SUPT7L: variants seen among roughly 807,000 people sequenced by gnomAD.
SUPT7L encodes the protein SPT7 like, STAGA complex subunit gamma.
SUPT7L carries 15 observed loss-of-function variants against 35.7 expected under a neutral mutation model. The ratio of observed to expected loss-of-function variants is 0.42; its 90% CI spans 0.28 to 0.65. The LOEUF (loss-of-function observed/expected upper bound fraction) is 0.65, where lower values mean the gene tolerates loss of function less well. SUPT7L is among the 30% of genes least tolerant of loss of function. The pLI, the probability that SUPT7L is intolerant of heterozygous loss-of-function variation, is 0.23. For synonymous variants in SUPT7L, 168 were observed against 186.2 expected, an observed-to-expected ratio of 0.90 and a Z score of 0.79; for missense variants, 434 against 522.2, an observed-to-expected ratio of 0.83 and a Z score of 1.65.
chr2:27,653,841 T>G, intron 5 of SUPT7L, 94 bp from the exon 6 acceptor site: 2 of 1,446,608 alleles, frequency 1.4e-6, no homozygotes, highest in South Asian at 1.3e-5. Flanking sequence ...CCAACTAATA[T>G]GCTTTGAGCT....
At chr2:27,656,330 A>G (rs1674803149) in intron 4 of SUPT7L, among the ~76,000 whole-genome samples, 1 of 152,200 alleles carries the variant, frequency 6.6e-6, no homozygotes, top group Non-Finnish European at 1.5e-5. Flanking sequence ...GGCTGAAGAG[A>G]TTAGATATTT....
At position 27,653,384 on chromosome 2, in the gene SUPT7L, A is replaced by G. The variant is rs1394193465; in HGVS notation, c.*101T>C. 6.8e-7 allele frequency: 1 copy of G among 1,479,194 alleles called. No individual in the cohort carries two copies. The highest frequency in any genetic ancestry group is 9.0e-7 in the Non-Finnish European group (1 of 1,111,822). The allele number at this position is 1,479,194 out of a possible 1,614,324, so 91.6% of individuals were successfully genotyped here. A position where few individuals can be genotyped will look rare whatever the true frequency, so the allele number is the denominator to read the frequency against. On this transcript the variant is annotated 3_prime_UTR_variant, in exon 6 of 6. Transcript: ENST00000337768. ...AATTAGGAAAAACCACTTGTGTTTA[A>G]GAACAGGAGTCAAATCAATTTTTAA...
rs188143105 is a variant in SUPT7L, at chr2:27,661,980, T to G, written c.14+199A>C. On this transcript the variant is annotated intron_variant, in intron 2 of 5. Coordinates refer to ENST00000337768, the MANE Select transcript of SUPT7L (RefSeq NM_014860.3). ...CATTATGCTTTCAACTTTTGACATA[T>G]AGAACGTGAGAGATTTCTGCTGCCT... 8.6e-6 allele frequency: 6 copies of G among 694,634 alleles called. No homozygotes were observed. The Admixed American group carries it at 8.8e-5, about 10-fold the overall frequency. 43.0% of individuals were successfully genotyped at this position (694,634 alleles called of 1,614,324 possible).
chr2:27,655,634 A>C lies in SUPT7L; in HGVS notation c.745-32T>G, dbSNP rs371290892. The C allele has an allele frequency of 1.6e-4, 249 of 1,536,850 alleles. 1 individual carries two copies. Among genetic ancestry groups the C allele is most frequent in the Admixed American group, 6.2e-4 (30 of 48,428 alleles). On this transcript the variant is annotated intron_variant, in intron 4 of 5. Coordinates refer to ENST00000337768, the MANE Select transcript of SUPT7L (RefSeq NM_014860.3). ...GCAAGCAAGAGTCAATTTTCCAAGG[A>C]AATGTTAAAAGCAAGTTGGATAGTC... is the stretch of plus-strand genomic sequence containing the variant.
At chr2:27,656,362 A>AC (rs893636555) in intron 4 of SUPT7L, among the ~76,000 whole-genome samples, 2 of 151,924 alleles carry the variant, frequency 1.3e-5, no homozygotes, top group Admixed American at 1.3e-4. Flanking sequence ...CAAAATCATC[A>AC]CCCCCCACCA....
At chr2:27,659,210 A>C (rs995670412) in intron 3 of SUPT7L, among the ~76,000 whole-genome samples, 7 of 152,194 alleles carry the variant, frequency 4.6e-5, no homozygotes, top group African/African-American at 1.7e-4. Flanking sequence ...CAGTGACTTC[A>C]GAACCTTTGA....
chr2:27,661,571 C>T, intron 2 of SUPT7L, 183 bp from the exon 3 acceptor site: 1 of 1,427,844 alleles, frequency 7.0e-7, no homozygotes, highest in Non-Finnish European at 9.1e-7. Context: ...ATGTCAGTGT[C>T]AGCAAAACTG....
At chr2:27,656,095 G>C (rs966690807) in intron 4 of SUPT7L, among the ~76,000 whole-genome samples, 1 of 151,850 alleles carries the variant, frequency 6.6e-6, no homozygotes. Context: ...TGAGGTGGAA[G>C]GATCGCTTGT....
chr2:27,660,711 T>G (rs978922129), intron 3 of SUPT7L, among the ~76,000 whole-genome samples: 2 of 152,174 alleles, frequency 1.3e-5, no homozygotes, highest in Non-Finnish European at 2.9e-5. Flanking sequence ...TATGAGGCCA[T>G]GGCCTTTTTT....
rs1158288387 is a variant in SUPT7L at position 27,657,467 on chromosome 2, C to T, written c.622G>A (p.Gly208Arg). 12 of 1,614,248 alleles carry T rather than the reference C, an allele frequency of 7.4e-6. No individual in the cohort carries two copies. Among genetic ancestry groups the T allele is most frequent in the Admixed American group, 6.7e-5 (4 of 60,036 alleles). ...RFAVDREARLGQTPFPDVMEQ... is the reference protein window; with the variant it reads ...RFAVDREARLRQTPFPDVMEQ... ...ATCACATCAGGAAAAGGAGTCTGTC[C>T]CAGCCGGGCCTCCCGGTCCACAGCA... The change falls in exon 4 of 6, where the codon GGA (glycine) becomes AGA (arginine). Residue 208 changes from glycine (G) to arginine (R), a missense_variant. By Grantham distance (125) the Gly-to-Arg change is moderately radical. This residue lies in a region of SUPT7L where 198 missense variants were observed against 190.8 expected (regional missense o/e 1.04). Coordinates refer to ENST00000337768, the MANE Select transcript of SUPT7L (RefSeq NM_014860.3). The surrounding 1 kb of genome is among the most constrained non-coding windows in gnomAD (Gnocchi z 5.2).
rs769060906 is a variant in SUPT7L, at chr2:27,661,175, A to AAG, written c.226_227dup (p.Arg77PhefsTer19). On this transcript the variant is annotated frameshift_variant, in exon 3 of 6. Transcript: ENST00000337768. LOFTEE classifies it high-confidence loss of function. Reference sequence around the variant, plus strand: ...CCTGAGCTGTGGCAATAAGGTTGCGAAGACGTCGGTTGTGCTGAATCAACT... The same window carrying AAG: ...CCTGAGCTGTGGCAATAAGGTTGCGAAGAGACGTCGGTTGTGCTGAATCAACT... 6.2e-7 allele frequency: 1 copy of AAG among 1,614,138 alleles called. No homozygotes were observed.
chr2:27,643,263 A>G, the SUPT7L span, among the ~76,000 whole-genome samples: 15 of 151,492 alleles, frequency 9.9e-5, no homozygotes, highest in African/African-American at 3.6e-4. This position sits in a 1 kb window ranked among gnomAD's most constrained non-coding sequence, Gnocchi z 4.0. Context: ...AATACAAATA[A>G]TTGCCATAAT....
intron 4 of SUPT7L, among the ~76,000 whole-genome samples, chr2:27,656,346 T>C (rs557112428): frequency 6.6e-6 from 1 of 152,254 alleles, no homozygotes; most frequent in African/African-American, 2.4e-5. Flanking sequence ...TATTTCTGGT[T>C]CCAAGCAAAA....
At chr2:27,648,879 C>T (rs1276265420), downstream of SUPT7L, among the ~76,000 whole-genome samples, 2 of 151,800 alleles carry the variant, frequency 1.3e-5, no homozygotes, top group Non-Finnish European at 2.9e-5. Context: ...TCAAGTGATC[C>T]GCCCATCTCG....
downstream of SUPT7L, among the ~76,000 whole-genome samples, chr2:27,649,503 C>A (rs1020729479): frequency 2.6e-5 from 4 of 152,248 alleles, no homozygotes; most frequent in African/African-American, 7.2e-5. Context: ...TCCCTCACCC[C>A]CCAAAACTTC....
downstream of SUPT7L, chr2:27,647,974 CAG>C: frequency 2.5e-6 from 3 of 1,203,014 alleles, no homozygotes; most frequent in Non-Finnish European, 3.7e-6. Context: ...CCCGTGGCAA[CAG>C]AGCATCTGCT....
the SUPT7L span, among the ~76,000 whole-genome samples, chr2:27,645,029 G>A: frequency 6.6e-6 from 1 of 151,816 alleles, no homozygotes; most frequent in Admixed American, 6.6e-5. Context: ...GTGCAGTGGC[G>A]CAATCATAGC....
chr2:27,646,270 G>A (rs1007671862), downstream of SUPT7L, among the ~76,000 whole-genome samples: 1 of 152,162 alleles, frequency 6.6e-6, no homozygotes, highest in Non-Finnish European at 1.5e-5. Flanking sequence ...TTGAACTCCT[G>A]ACCTCAGGTG....
downstream of SUPT7L, chr2:27,650,061 A>G (rs1379519234): frequency 3.1e-6 from 3 of 952,718 alleles, no homozygotes; most frequent in Non-Finnish European, 3.5e-6. Context: ...GACGGGCTCT[A>G]ATCAGTTTGT....
Sources: gnomAD v4.1 joint callset for allele counts (sites outside exome capture counted in the v4.1 genomes callset) on GRCh38, gnomAD v4.1.1 for gene constraint, gnomAD v4.1.1 regional missense constraint, Gnocchi (gnomAD v3.1) non-coding constraint, MANE v1.5 for transcripts, NCBI Gene and HGNC (gene_info 2026-07-23, HGNC 2026-07-21) for gene names.